Variants in PPP1R1C observed in about 807,000 individuals in gnomAD.
The protein encoded by PPP1R1C is protein phosphatase 1 regulatory subunit 1C.
PPP1R1C carries 15 observed loss-of-function variants against 17.4 expected under a neutral mutation model. The observed-to-expected ratio is 0.86, with a 90% confidence interval of 0.58 to 1.33. The LOEUF is 1.33. Ranked by LOEUF, PPP1R1C falls within the 40% of genes most tolerant of loss-of-function variation. PPP1R1C has a pLI of 0.00. For synonymous variants in PPP1R1C, 35 were observed against 43.1 expected (o/e 0.81, Z 0.73); for missense variants, 143 against 130.0 (o/e 1.10, Z -0.48).
chr2:182,012,177 C>T (rs1686104195), intron 2 of PPP1R1C, among the ~76,000 whole-genome samples: 1 of 151,970 alleles, frequency 6.6e-6, no homozygotes, highest in Admixed American at 6.5e-5. Flanking sequence ...GATTTTCTGT[C>T]TGGATGATCT....
At chr2:182,111,181 T>A (rs370459256) in intron 4 of PPP1R1C, among the ~76,000 whole-genome samples, 29 of 152,332 alleles carry the variant, frequency 1.9e-4, no homozygotes, top group African/African-American at 7.0e-4. Flanking sequence ...TGCTAAACCT[T>A]TTATCTCAGC....
chr2:181,997,051 A>T (rs1685632220), intron 2 of PPP1R1C, among the ~76,000 whole-genome samples: 1 of 151,726 alleles, frequency 6.6e-6, no homozygotes, highest in South Asian at 2.1e-4. Context: ...AACATGGTGA[A>T]ACCCTGTCTT....
chr2:182,119,196 G>C (rs1689667661), downstream of PPP1R1C, among the ~76,000 whole-genome samples: 2 of 151,772 alleles, frequency 1.3e-5, no homozygotes, highest in Admixed American at 6.6e-5. Context: ...GAGAATGATG[G>C]TTTCCAGCTT....
At chr2:181,982,246 A>C (rs187577807), upstream of PPP1R1C, among the ~76,000 whole-genome samples, 10 of 152,336 alleles carry the variant, frequency 6.6e-5, no homozygotes, top group Non-Finnish European at 1.5e-4. Flanking sequence ...AAATAACTCT[A>C]AAAACAGTCA....
chr2:181,959,610 G>T (rs1053284711), intron 1 of PPP1R1C, among the ~76,000 whole-genome samples: 1 of 152,064 alleles, frequency 6.6e-6, no homozygotes, highest in Non-Finnish European at 1.5e-5. Flanking sequence ...ACATCTGTAT[G>T]TATGTATATA....
At chr2:182,128,504 A>G (rs1314715477) in intron 5 of PPP1R1C, among the ~76,000 whole-genome samples, 1 of 152,136 alleles carries the variant, frequency 6.6e-6, no homozygotes, top group African/African-American at 2.4e-5. Flanking sequence ...AAAAGAAGAG[A>G]TGAGAATAGA....
chr2:181,986,049 G>C lies in PPP1R1C; in HGVS notation c.-62G>C. ...AGTGTGTCTGAGGAAACACATCCCG[G>C]ACACCACTTAGGGTTAGTCTTTCTG... is the stretch of plus-strand genomic sequence containing the variant. On this transcript the variant is annotated 5_prime_UTR_variant, in exon 1 of 5. Coordinates refer to ENST00000682840, the MANE Select transcript of PPP1R1C (RefSeq NM_001080545.3). 7.7e-7 allele frequency: 1 copy of C among 1,302,626 alleles called. No homozygotes were observed. The highest frequency in any genetic ancestry group is 1.1e-6 in the Non-Finnish European group (1 of 896,732). 80.7% of individuals were successfully genotyped at this position (1,302,626 alleles called of 1,614,324 possible). A position where few individuals can be genotyped will look rare whatever the true frequency, so the allele number is the denominator to read the frequency against.
rs528276010 is a variant in PPP1R1C, at chr2:181,961,486, G to A, written n.111+6852G>A. On this transcript the variant is annotated intron_variant and non_coding_transcript_variant, in intron 1 of 5. Transcript: ENST00000464264. This position sits in a 1 kb window ranked among gnomAD's most constrained non-coding sequence, Gnocchi z 5.8. ...CCTGTTGAGCTGCTCCATCTGCAGG[G>A]TGTAGCGGGCCTCCACCTCCCTCAG... 2.1e-4 allele frequency: 239 copies of A among 1,122,734 alleles called. 1 individual carries two copies. The South Asian group carries it at 3.0e-3, about 14-fold the overall frequency. The allele number at this position is 1,122,734 out of a possible 1,614,324, so 69.5% of individuals were successfully genotyped here.
intron 4 of PPP1R1C, among the ~76,000 whole-genome samples, chr2:182,093,318 A>G (rs1341934969): frequency 6.6e-6 from 1 of 152,204 alleles, no homozygotes; most frequent in Non-Finnish European, 1.5e-5. Context: ...TGCACACAGC[A>G]TGGAGACCCT....
At chr2:181,970,307 A>G (rs1684983803) in intron 1 of PPP1R1C, among the ~76,000 whole-genome samples, 4 of 152,082 alleles carry the variant, frequency 2.6e-5, no homozygotes, top group Non-Finnish European at 4.4e-5. Flanking sequence ...AGGGACTTGC[A>G]TGTTGTGATC....
chr2:182,085,922 A>G (rs1343339694), intron 4 of PPP1R1C, among the ~76,000 whole-genome samples: 3 of 152,186 alleles, frequency 2.0e-5, no homozygotes, highest in Non-Finnish European at 2.9e-5. Flanking sequence ...ATCCATAAGA[A>G]AACCCCTAGA....
chr2:182,106,917 C>G (rs1689270723), intron 4 of PPP1R1C, among the ~76,000 whole-genome samples: 1 of 152,180 alleles, frequency 6.6e-6, no homozygotes, highest in Admixed American at 6.5e-5. Context: ...AAGCAAGCCA[C>G]ACCCCCACTG....
At chr2:182,131,327 A>G (rs981830557), downstream of PPP1R1C, 1 of 152,168 alleles carries the variant, frequency 6.6e-6, no homozygotes, top group African/African-American at 2.4e-5. Flanking sequence ...ATATGTATAT[A>G]TGTATATTCA....
intron 2 of PPP1R1C, among the ~76,000 whole-genome samples, chr2:181,978,059 A>G (rs1412077355): frequency 6.6e-6 from 1 of 152,198 alleles, no homozygotes; most frequent in Non-Finnish European, 1.5e-5. Flanking sequence ...ATGGTGGAAG[A>G]CAAAGAAAGA....
At chr2:181,994,403 T>C (rs1228505309) in intron 2 of PPP1R1C, among the ~76,000 whole-genome samples, 2 of 152,200 alleles carry the variant, frequency 1.3e-5, no homozygotes, top group South Asian at 2.1e-4. Flanking sequence ...TCACTTCTTT[T>C]CATACATCAT....
rs1440141797 is a variant in PPP1R1C at position 181,976,172 on chromosome 2, C to T, written n.157+908C>T. Among the ~76,000 whole-genome samples, 1 of 151,992 alleles carries T rather than the reference C, an allele frequency of 6.6e-6. No individual in the cohort carries two copies. Among genetic ancestry groups the T allele is most frequent in the Non-Finnish European group, 1.5e-5 (1 of 67,948 alleles). On this transcript the variant is annotated intron_variant and non_coding_transcript_variant, in intron 2 of 5. Coordinates refer to the PPP1R1C transcript ENST00000464264. This position sits in a 1 kb window ranked among gnomAD's most constrained non-coding sequence, Gnocchi z 4.8. ...ACATCTCAGAATATATTCTTCCAAA[C>T]ATTTTTCACACATCACACACAAAAG...
chr2:182,020,567 C>A (rs1686390377), intron 2 of PPP1R1C, among the ~76,000 whole-genome samples: 3 of 152,122 alleles, frequency 2.0e-5, no homozygotes, highest in African/African-American at 7.2e-5. Context: ...TCAGAAGAAA[C>A]CACAACTCTT....
intron 4 of PPP1R1C, among the ~76,000 whole-genome samples, chr2:182,109,920 A>G (rs1268243131): frequency 6.6e-6 from 1 of 152,200 alleles, no homozygotes; most frequent in Non-Finnish European, 1.5e-5. Context: ...CATAAAAAGC[A>G]TATCAGGACT....
chr2:182,097,078 G>A (rs919932575), intron 4 of PPP1R1C, among the ~76,000 whole-genome samples: 6 of 152,092 alleles, frequency 3.9e-5, no homozygotes, highest in Non-Finnish European at 7.4e-5. Flanking sequence ...GTACCTATTC[G>A]ATATGTCCAG....
Sources: gnomAD v4.1 joint callset for allele counts (sites outside exome capture counted in the v4.1 genomes callset) on GRCh38, gnomAD v4.1.1 for gene constraint, Gnocchi (gnomAD v3.1) non-coding constraint, MANE v1.5 for transcripts, NCBI Gene and HGNC (gene_info 2026-07-23, HGNC 2026-07-21) for gene names.